The following ATP6V0A4 variants were observed in gnomAD, a reference collection of about 807,000 sequenced individuals.
ATP6V0A4 encodes ATPase H+ transporting V0 subunit a4.
In ATP6V0A4, 86 loss-of-function variants were observed where a neutral mutation model predicts 107.3. That is an observed-to-expected ratio of 0.80 (90% confidence interval 0.67 to 0.96). The LOEUF is 0.96. Ranked by LOEUF, ATP6V0A4 falls within the 40% of genes least tolerant of loss-of-function variation. The pLI, the probability that ATP6V0A4 is intolerant of heterozygous loss-of-function variation, is 0.00. For missense variants in ATP6V0A4, 908 were observed against 1,045.6 expected (o/e 0.87, Z 1.81); for synonymous variants, 353 against 381.4 (o/e 0.93, Z 0.87).
At chr7:138,741,344 G>A (rs73730493) in intron 14 of ATP6V0A4, among the ~76,000 whole-genome samples, 11,584 of 151,996 alleles carry the variant, frequency 0.076, 1,250 homozygotes, top group African/African-American at 0.24. Context: ...ACCGTGACTC[G>A]CTTGCCCAGA....
At chr7:138,743,355 G>A (rs1805733700) in intron 14 of ATP6V0A4, among the ~76,000 whole-genome samples, 1 of 151,862 alleles carries the variant, frequency 6.6e-6, no homozygotes, top group Admixed American at 6.6e-5. Context: ...CTACTCAGGA[G>A]GCTGAGGCAG....
chr7:138,779,469 A>G (rs186057736), intron 2 of ATP6V0A4, among the ~76,000 whole-genome samples: 1 of 152,296 alleles, frequency 6.6e-6, no homozygotes, highest in African/African-American at 2.4e-5. Flanking sequence ...AAATACCCCC[A>G]CAGGTACATC....
intron 6 of ATP6V0A4, 64 bp downstream of exon 6, chr7:138,762,836 T>G: frequency 6.4e-7 from 1 of 1,568,280 alleles, no homozygotes; most frequent in Non-Finnish European, 8.8e-7. Flanking sequence ...CCAGCCAGTT[T>G]CCAAAATGGA....
chr7:138,771,963 G>A (rs1229182839), intron 2 of ATP6V0A4, among the ~76,000 whole-genome samples: 1 of 152,154 alleles, frequency 6.6e-6, no homozygotes, highest in South Asian at 2.1e-4. Context: ...AAGTTGTGGA[G>A]GGTATGAGAA....
At position 138,756,535 on chromosome 7, in the gene ATP6V0A4, T is replaced by C. The variant is rs1007992548; in HGVS notation, c.645A>G (p.Glu215=). 3.1e-6 allele frequency: 5 copies of C among 1,609,920 alleles called. No homozygotes were observed. The highest frequency in any genetic ancestry group is 1.7e-5 in the Admixed American group (1 of 59,966). Residue 215 remains glutamate (E), a synonymous_variant, in exon 9 of 22, where the codon GAA becomes GAG. Coordinates refer to ENST00000310018, the MANE Select transcript of ATP6V0A4 (RefSeq NM_020632.3). ...DAPLEDPVTK[E]EIQKNIFIIF... ...TGATGAATATGTTCTTCTGAATTTC[T>C]TCTTTCTGGAAAATCAGAATAAGTT...
At chr7:138,765,347 C>T (rs1205543335) in intron 5 of ATP6V0A4, among the ~76,000 whole-genome samples, 1 of 152,082 alleles carries the variant, frequency 6.6e-6, no homozygotes, top group Admixed American at 6.5e-5. Flanking sequence ...ATCTTCATTT[C>T]CCAATCATTT....
At chr7:138,792,492 T>C (rs1427304143) in intron 1 of ATP6V0A4, among the ~76,000 whole-genome samples, 1 of 152,072 alleles carries the variant, frequency 6.6e-6, no homozygotes, top group Non-Finnish European at 1.5e-5. Context: ...CTCTACAAAA[T>C]GGAATAACCC....
intron 5 of ATP6V0A4, 44 bp from the exon 6 acceptor site, chr7:138,763,069 T>C (rs1223405863): frequency 6.2e-6 from 10 of 1,609,832 alleles, no homozygotes; most frequent in Middle Eastern, 1.8e-4. Flanking sequence ...GAAAGTGCTA[T>C]GACATTCCTG....
chr7:138,717,520 G>A (rs1584892096), intron 19 of ATP6V0A4, among the ~76,000 whole-genome samples: 2 of 151,756 alleles, frequency 1.3e-5, no homozygotes, highest in East Asian at 3.9e-4. Flanking sequence ...ACTCCAGCCT[G>A]GCAACAGAGT....
In ATP6V0A4 at chr7:138,777,264, T is replaced by C. The variant is rs548499131; in HGVS notation, c.-17-6000A>G. On this transcript the variant is annotated intron_variant, in intron 2 of 21. Coordinates refer to ENST00000310018, the MANE Select transcript of ATP6V0A4 (RefSeq NM_020632.3). ...GAATTTGAATTTTATTCTAATAGCA[T>C]TGGGAAGCCCTTGGGAAATTTTAAG... Among the ~76,000 whole-genome samples the C allele has an allele frequency of 2.6e-3, 398 of 152,208 alleles. 3 individuals are homozygous for C. The highest frequency in any genetic ancestry group is 3.4e-3 in the Middle Eastern group (1 of 292).
At chr7:138,728,633 G>C in intron 18 of ATP6V0A4, 128 bp downstream of exon 18, 4 of 1,294,390 alleles carry the variant, frequency 3.1e-6, no homozygotes, top group East Asian at 2.3e-5. Flanking sequence ...CTCAGGGCGG[G>C]TCAGTTCCTC....
intron 1 of ATP6V0A4, among the ~76,000 whole-genome samples, chr7:138,795,337 C>T (rs2051904545): frequency 6.6e-6 from 1 of 152,072 alleles, no homozygotes; most frequent in Admixed American, 6.5e-5. Context: ...AACACATTAT[C>T]CCCCTCCTCC....
At chr7:138,711,558 C>A (rs3778702) in intron 20 of ATP6V0A4, among the ~76,000 whole-genome samples, 18,183 of 152,120 alleles carry the variant, frequency 0.12, 1,483 homozygotes, top group African/African-American at 0.23. Context: ...ACATGATAAA[C>A]GCAGAGACAT....
intron 11 of ATP6V0A4, among the ~76,000 whole-genome samples, chr7:138,751,622 C>G (rs1806229092): frequency 6.6e-6 from 1 of 151,754 alleles, no homozygotes; most frequent in South Asian, 2.1e-4. Context: ...AAAGCAGGGT[C>G]TTGGCCTGCC....
At chr7:138,742,838 T>C (rs972711285) in intron 14 of ATP6V0A4, among the ~76,000 whole-genome samples, 1 of 151,748 alleles carries the variant, frequency 6.6e-6, no homozygotes, top group African/African-American at 2.4e-5. Context: ...CAACCTAATT[T>C]GTTTTTAAAT....
Position 138,743,718 on chromosome 7 carries a change from C to T in ATP6V0A4, c.1478+1405G>A, listed in dbSNP as rs1020799380. On this transcript the variant is annotated intron_variant, in intron 14 of 21. Coordinates refer to ENST00000310018, the MANE Select transcript of ATP6V0A4 (RefSeq NM_020632.3). ...TTCTCATTTGTTCAAAGGAAAGTTC[C>T]AGAATGAGACAGGGAAATCTTAAGC... Among the ~76,000 whole-genome samples, 4 of 152,100 alleles carry T rather than the reference C, an allele frequency of 2.6e-5. No homozygotes were observed. The East Asian group carries it at 7.7e-4, about 29-fold the overall frequency.
In ATP6V0A4 at chr7:138,763,976, AT is replaced by A. The variant is rs1259314879; in HGVS notation, c.292-952del. Among the ~76,000 whole-genome samples the A allele has an allele frequency of 7.8e-3, 865 of 110,352 alleles. 14 individuals are homozygous for A. The highest frequency in any genetic ancestry group is 0.023 in the African/African-American group (742 of 32,418). 72.4% of individuals were successfully genotyped at this position (110,352 alleles called of 152,430 possible). On this transcript the variant is annotated intron_variant, in intron 5 of 21. Coordinates refer to ENST00000310018, the MANE Select transcript of ATP6V0A4 (RefSeq NM_020632.3). ...TTTCAGACTCTGTCTCAAAAAAAAA[AT>A]ATATATATATATATATGTATATATA...
At chr7:138,747,031 G>A (rs1805985278) in intron 13 of ATP6V0A4, among the ~76,000 whole-genome samples, 1 of 151,984 alleles carries the variant, frequency 6.6e-6, no homozygotes, top group Non-Finnish European at 1.5e-5. Context: ...AAAAATTGGT[G>A]GATAAGCACA....
At chr7:138,781,842 TC>T (rs796859802) in intron 2 of ATP6V0A4, among the ~76,000 whole-genome samples, 2,268 of 45,210 alleles carry the variant, frequency 0.05, 65 homozygotes, top group African/African-American at 0.15. Context: ...TCTCTCTCTC[TC>T]TTTTTTTTTT....
Sources: gnomAD v4.1 joint callset for allele counts (sites outside exome capture counted in the v4.1 genomes callset) on GRCh38, gnomAD v4.1.1 for gene constraint, MANE v1.5 for transcripts, NCBI Gene and HGNC (gene_info 2026-07-23, HGNC 2026-07-21) for gene names.